FHIT: variants seen among roughly 807,000 people sequenced by gnomAD.
FHIT encodes fragile histidine triad diadenosine triphosphatase, also known as bis(5'-adenosyl)-triphosphatase.
Under a neutral mutation model 17.9 loss-of-function variants are expected in FHIT, and 19 were observed. The ratio of observed to expected loss-of-function variants is 1.06; its 90% confidence interval spans 0.74 to 1.56. FHIT has a LOEUF of 1.56. Among genes scored for constraint, FHIT ranks in the 40% most tolerant of loss-of-function variants. The pLI, the probability that FHIT is intolerant of heterozygous loss-of-function variation, is 0.00. For missense variants in FHIT, 248 were observed against 189.2 expected, an observed-to-expected ratio of 1.31 and a Z score of -1.82; for synonymous variants, 81 against 69.7, an observed-to-expected ratio of 1.16 and a Z score of -0.81.
intron 4 of FHIT, among the ~76,000 whole-genome samples, chr3:60,665,257 T>G (rs1215671197): frequency 6.6e-6 from 1 of 152,080 alleles, no homozygotes; most frequent in African/African-American, 2.4e-5. Flanking sequence ...CTGCTGTTGT[T>G]GGATGGAGTA....
At chr3:60,105,439 T>C (rs1704367090) in intron 5 of FHIT, among the ~76,000 whole-genome samples, 1 of 152,324 alleles carries the variant, frequency 6.6e-6, no homozygotes, top group South Asian at 2.1e-4. Flanking sequence ...CTTTTATTTC[T>C]TGAGACTGAG....
chr3:60,585,897 C>T (rs1387075936), intron 4 of FHIT, among the ~76,000 whole-genome samples: 7 of 151,516 alleles, frequency 4.6e-5, no homozygotes, highest in Non-Finnish European at 1.0e-4. Context: ...GTTTTCACTC[C>T]TTGGGGACTT....
chr3:60,827,245 G>T (rs1024773818), intron 3 of FHIT, among the ~76,000 whole-genome samples: 5 of 152,130 alleles, frequency 3.3e-5, no homozygotes, highest in East Asian at 3.9e-4. Flanking sequence ...GGTCAATATT[G>T]TATGTTTAAA....
chr3:60,750,079 G>T (rs73836108), intron 4 of FHIT, among the ~76,000 whole-genome samples: 2,153 of 152,192 alleles, frequency 0.014, 24 homozygotes, highest in Non-Finnish European at 0.021. Flanking sequence ...GGGATCAAAG[G>T]CATGTTGCCT....
chr3:60,568,555 T>C (rs2037225615), intron 4 of FHIT, among the ~76,000 whole-genome samples: 1 of 151,970 alleles, frequency 6.6e-6, no homozygotes. Context: ...CATGTATACA[T>C]ATGTAACTAA....
At chr3:60,366,665 C>A (rs997640373) in intron 5 of FHIT, among the ~76,000 whole-genome samples, 2 of 152,112 alleles carry the variant, frequency 1.3e-5, no homozygotes, top group African/African-American at 2.4e-5. Context: ...GCCCTTCTGC[C>A]GTCCGCTCCC....
At chr3:60,126,661 C>T (rs972089906) in intron 5 of FHIT, among the ~76,000 whole-genome samples, 52 of 152,270 alleles carry the variant, frequency 3.4e-4, no homozygotes, top group Admixed American at 3.2e-3. Context: ...CAGATTCAAG[C>T]CAGAGTCAAC....
At chr3:60,536,838 C>T in intron 5 of FHIT, 22 bp downstream of exon 5, 2 of 1,184,838 alleles carry the variant, frequency 1.7e-6, no homozygotes, top group South Asian at 3.2e-5. Flanking sequence ...TTTCCCTCTC[C>T]AAAAAAAAAA....
Position 60,448,709 on chromosome 3 carries a change from A to G in FHIT, c.103+88151T>C, listed in dbSNP as rs2031513203. Among the ~76,000 whole-genome samples, 3 of 152,254 alleles carry G rather than the reference A, an allele frequency of 2.0e-5. No individual in the cohort carries two copies. The South Asian group carries it at 6.2e-4, about 32-fold the overall frequency. On this transcript the variant is annotated intron_variant, in intron 5 of 9. Transcript: ENST00000492590. ...TTCCCTGCACTTTAAGAATGTAACTACGGATTATGGACACGTGCCTTTCCT... is the reference window on the plus strand; with the variant it reads ...TTCCCTGCACTTTAAGAATGTAACTGCGGATTATGGACACGTGCCTTTCCT...
At chr3:61,235,135 G>C (rs1880214) in intron 1 of FHIT, among the ~76,000 whole-genome samples, 14,458 of 152,116 alleles carry the variant, frequency 0.095, 2,312 homozygotes, top group African/African-American at 0.33. Context: ...TTATCCATTA[G>C]ACTTCATTTT....
intron 5 of FHIT, among the ~76,000 whole-genome samples, chr3:60,525,964 G>A (rs1045340434): frequency 4.6e-5 from 7 of 151,898 alleles, no homozygotes; most frequent in Non-Finnish European, 8.8e-5. Flanking sequence ...TTAGCTGGGC[G>A]TGGTGGCCCA....
chr3:61,086,781 A>G (rs1260665575), intron 2 of FHIT, among the ~76,000 whole-genome samples: 1 of 152,096 alleles, frequency 6.6e-6, no homozygotes, highest in Non-Finnish European at 1.5e-5. Context: ...AATTCATCCT[A>G]TAACTAAATA....
chr3:59,981,487 T>C (rs141204249), intron 7 of FHIT, among the ~76,000 whole-genome samples: 1 of 152,268 alleles, frequency 6.6e-6, no homozygotes, highest in Non-Finnish European at 1.5e-5. Context: ...TGCAAAAATG[T>C]AGGCCATCAG....
chr3:61,019,589 G>T (rs558489108), intron 3 of FHIT, among the ~76,000 whole-genome samples: 3 of 152,222 alleles, frequency 2.0e-5, no homozygotes. Context: ...GCAGTAACTT[G>T]TAGATTCTTT....
Position 59,752,250 on chromosome 3 carries a change from T to C in FHIT, c.420A>G (p.Ala140=). The change falls in exon 9 of 10, where the codon GCA becomes GCG. Residue 140 remains alanine, a synonymous_variant. Coordinates refer to ENST00000492590, the MANE Select transcript of FHIT (RefSeq NM_002012.4). ...RSEEEMAAEA[A]ALRVYFQ The stretch of plus-strand genomic sequence containing the variant: ...GTCACTGAAAGTAGACCCGCAGAGC[T>C]GCGGCTTCTGCTGCCATTTCCTCCT... 1.2e-6 allele frequency: 2 copies of C among 1,612,830 alleles called. No individual in the cohort carries two copies. The highest frequency in any genetic ancestry group is 1.7e-6 in the Non-Finnish European group (2 of 1,179,222).
At chr3:59,871,462 G>C (rs779514251) in intron 8 of FHIT, among the ~76,000 whole-genome samples, 1 of 151,496 alleles carries the variant, frequency 6.6e-6, no homozygotes, top group Non-Finnish European at 1.5e-5. Context: ...CCCCACACAC[G>C]CACACATACA....
At chr3:59,899,103 G>C (rs1023859175) in intron 8 of FHIT, among the ~76,000 whole-genome samples, 4 of 152,142 alleles carry the variant, frequency 2.6e-5, no homozygotes, top group African/African-American at 7.2e-5. Context: ...CCTGGATTTA[G>C]ACCCAGAGCA....
At chr3:60,546,438 C>T (rs576577836) in intron 4 of FHIT, among the ~76,000 whole-genome samples, 6 of 152,172 alleles carry the variant, frequency 3.9e-5, no homozygotes, top group Non-Finnish European at 7.3e-5. Flanking sequence ...TTCCAGATAT[C>T]ATATCCCATC....
At chr3:60,391,555 T>C (rs1200325766) in intron 5 of FHIT, among the ~76,000 whole-genome samples, 1 of 152,210 alleles carries the variant, frequency 6.6e-6, no homozygotes, top group Non-Finnish European at 1.5e-5. Context: ...TGTACAGGTC[T>C]ACCATTTTTT....
Sources: gnomAD v4.1 joint callset for allele counts (sites outside exome capture counted in the v4.1 genomes callset) on GRCh38, gnomAD v4.1.1 for gene constraint, MANE v1.5 for transcripts, NCBI Gene and HGNC (gene_info 2026-07-23, HGNC 2026-07-21) for gene names.